The following ITIH1 variants were observed in gnomAD, a reference collection of about 807,000 sequenced individuals.
ITIH1 encodes the protein inter-alpha-trypsin inhibitor heavy chain H1.
In ITIH1, 94 loss-of-function variants were observed where a neutral mutation model predicts 104.6. That is an observed-to-expected ratio of 0.90 (90% CI 0.76 to 1.07). ITIH1 has a LOEUF of 1.07. Among genes scored for constraint, ITIH1 ranks in the 50% least tolerant of loss-of-function variants. The pLI is 0.00. For synonymous variants in ITIH1, 455 were observed against 464.4 expected, an observed-to-expected ratio of 0.98 and a Z score of 0.26; for missense variants, 1,193 against 1,181.4, an observed-to-expected ratio of 1.01 and a Z score of -0.14.
intron 18 of ITIH1, 109 bp from the exon 19 acceptor site, chr3:52,789,544 A>G: frequency 1.1e-6 from 1 of 925,426 alleles, no homozygotes. Context: ...TCTCAAAGAC[A>G]GAGTGGCACA....
At chr3:52,790,230 CTG>C in intron 19 of ITIH1, 1 of 324,726 alleles carries the variant, frequency 3.1e-6, no homozygotes, top group South Asian at 3.8e-5. Context: ...ATGTCTTAGT[CTG>C]CATTGTCTCA....
chr3:52,785,292 C>T (rs1226934628), intron 12 of ITIH1, 63 bp downstream of exon 12: 13 of 1,520,932 alleles, frequency 8.5e-6, no homozygotes, highest in Non-Finnish European at 8.1e-6. Flanking sequence ...CAAACCCACA[C>T]TGTTCCCCAT....
rs766488408 is a variant in ITIH1 at position 52,789,721 on chromosome 3, T to G, written c.2188T>G (p.Phe730Val). ...RSPGQHDGTY[F>V]GRLGIANPAT... ...CCCTGGGCAGCATGACGGCACGTAC[T>G]TCGGGCGGCTGGGAATCGCAAACCC... The change falls in exon 19 of 22, where the codon TTC becomes GTC. Residue 730 changes from phenylalanine (F) to valine (V), a missense_variant. Physicochemically the swap from Phe to Val is conservative, Grantham distance 50. Coordinates refer to ENST00000273283, the MANE Select transcript of ITIH1 (RefSeq NM_002215.4). The G allele has an allele frequency of 6.2e-6, 10 of 1,614,064 alleles. No individual in the cohort carries two copies. In the African/African-American group the frequency reaches 1.3e-4, roughly 22 times the overall value.
At position 52,783,059 on chromosome 3, in the gene ITIH1, G is replaced by C; in HGVS notation, c.1033G>C (p.Val345Leu). ...AGTACAATCGTGGAAGGGCTCGCTG[G>C]TGCAAGCATCTGAGGCCAACCTACA... is the stretch of plus-strand genomic sequence containing the variant. ...TRVQSWKGSLVQASEANLQAA... is the reference protein window; with the variant it reads ...TRVQSWKGSLLQASEANLQAA... Residue 345 changes from valine (V) to leucine (L), a missense_variant, in exon 9 of 22, where the codon GTG (valine) becomes CTG (leucine). Physicochemically the swap from Val to Leu is conservative, Grantham distance 32 (BLOSUM62 1). Coordinates refer to ENST00000273283, the MANE Select transcript of ITIH1 (RefSeq NM_002215.4). The C allele has an allele frequency of 6.2e-7, 1 of 1,614,078 alleles. No individual in the cohort carries two copies. Among genetic ancestry groups the C allele is most frequent in the Non-Finnish European group, 8.5e-7 (1 of 1,180,000 alleles).
In ITIH1 at chr3:52,779,076, T is replaced by C. The variant is rs769972778; in HGVS notation, c.410+30T>C. Reference sequence around the variant, plus strand: ...GTTCTGGGCCTGCTGGTCTCATCTCTAGGGCTGCCCTCCCCAGCCAGGACA... The same window carrying C: ...GTTCTGGGCCTGCTGGTCTCATCTCCAGGGCTGCCCTCCCCAGCCAGGACA... On this transcript the variant is annotated intron_variant, in intron 4 of 21. Coordinates refer to ENST00000273283, the MANE Select transcript of ITIH1 (RefSeq NM_002215.4). This position sits in a 1 kb window ranked among gnomAD's most constrained non-coding sequence, Gnocchi z 4.4. 1.6e-5 allele frequency: 23 copies of C among 1,471,620 alleles called. No homozygotes were observed. Among genetic ancestry groups the C allele is most frequent in the Admixed American group, 5.0e-5 (3 of 59,810 alleles). The allele number at this position is 1,471,620 out of a possible 1,614,324, so 91.2% of individuals were successfully genotyped here.
chr3:52,786,048 A>G (rs1699187470), intron 12 of ITIH1, among the ~76,000 whole-genome samples: 1 of 152,160 alleles, frequency 6.6e-6, no homozygotes, highest in African/African-American at 2.4e-5. Flanking sequence ...TCCCCTAGAG[A>G]AACTCCACAA....
In ITIH1 at chr3:52,783,355, G is replaced by A. The variant is rs1439320024; in HGVS notation, c.1225+16G>A. The A allele has an allele frequency of 6.2e-7, 1 of 1,612,528 alleles. No homozygotes were observed. Among genetic ancestry groups the A allele is most frequent in the Non-Finnish European group, 8.5e-7 (1 of 1,179,498 alleles). ...CCCACAGAGGGTAAGCACCTTGGGG[G>A]CTGCCTTGGGAGGTAGTGATCTCCT... On this transcript the variant is annotated intron_variant, in intron 10 of 21. Coordinates refer to ENST00000273283, the MANE Select transcript of ITIH1 (RefSeq NM_002215.4).
intron 8 of ITIH1, 89 bp from the exon 9 acceptor site, chr3:52,782,868 A>G: frequency 7.8e-7 from 1 of 1,287,048 alleles, no homozygotes; most frequent in East Asian, 2.3e-5. Flanking sequence ...CACCCTGTGG[A>G]TCTCTGAAAT....
chr3:52,790,359 G>A, intron 19 of ITIH1: 1 of 283,384 alleles, frequency 3.5e-6, no homozygotes, highest in African/African-American at 2.3e-5. Context: ...GGGAGAGTCT[G>A]CTGTGGAGGT....
chr3:52,785,096 A>AC lies in ITIH1; in HGVS notation c.1465dup (p.Gln489ProfsTer13), dbSNP rs1263713723. The AC allele has an allele frequency of 1.9e-6, 3 of 1,613,844 alleles. No homozygotes were observed. In the African/African-American group the frequency reaches 4.0e-5, roughly 22 times the overall value. On this transcript the variant is annotated frameshift_variant, in exon 12 of 22. Transcript: ENST00000273283. LOFTEE classifies it high-confidence loss of function. ...CTGCTGGTGGATGTGGATTTGCAGT[A>AC]CCCCCAGGATGCTGTCTTGGCCCTG...
At chr3:52,785,350 T>C in intron 12 of ITIH1, 121 bp downstream of exon 12, 2 of 908,026 alleles carry the variant, frequency 2.2e-6, no homozygotes, top group Non-Finnish European at 1.7e-6. Flanking sequence ...AGTACCCTCA[T>C]CCCCACCATG....
intron 2 of ITIH1, 56 bp from the exon 3 acceptor site, chr3:52,778,284 T>C (rs1698952674): frequency 6.4e-7 from 1 of 1,558,490 alleles, no homozygotes. Context: ...CCACAGGAAG[T>C]CCCTCGCTGA....
chr3:52,780,414 C>A (rs1699005431), intron 6 of ITIH1, 32 bp downstream of exon 6: 36 of 1,485,434 alleles, frequency 2.4e-5, no homozygotes, highest in Non-Finnish European at 3.4e-5. Context: ...TGGTGGTGGG[C>A]CCTTTGGAGA....
At chr3:52,789,981 A>T (rs1699310137) in intron 19 of ITIH1, 127 bp downstream of exon 19, 3 of 913,096 alleles carry the variant, frequency 3.3e-6, no homozygotes, top group Admixed American at 4.3e-5. Context: ...CTGTGCAGAC[A>T]TGTCAGACTC....
Position 52,781,930 on chromosome 3 carries a change from A to G in ITIH1, c.688-10A>G. The G allele has an allele frequency of 6.2e-7, 1 of 1,613,898 alleles. No homozygotes were observed. Among genetic ancestry groups the G allele is most frequent in the Non-Finnish European group, 8.5e-7 (1 of 1,179,938 alleles). ...AGACCAGTAATGGCTCACACTCTCGACGGTTCCAGGGTCATGTGCTGTTCC... is the reference window on the plus strand; with the variant it reads ...AGACCAGTAATGGCTCACACTCTCGGCGGTTCCAGGGTCATGTGCTGTTCC... On this transcript the variant is annotated splice_polypyrimidine_tract_variant and intron_variant, in intron 6 of 21. Transcript: ENST00000273283.
At chr3:52,781,801 G>A in intron 6 of ITIH1, 139 bp from the exon 7 acceptor site, 2 of 1,026,114 alleles carry the variant, frequency 1.9e-6, no homozygotes, top group East Asian at 2.5e-5. Context: ...AGCTAGGTGA[G>A]TGAGTGGCCC....
intron 12 of ITIH1, 27 bp from the exon 13 acceptor site, chr3:52,786,268 C>T (rs1699196674): frequency 6.4e-7 from 1 of 1,559,020 alleles, no homozygotes; most frequent in South Asian, 1.2e-5. Context: ...CATGGTGCAC[C>T]ACCCCTCTCT....
chr3:52,778,986 T>C lies in ITIH1; in HGVS notation c.350T>C (p.Val117Ala). 3.7e-6 allele frequency: 6 copies of C among 1,614,062 alleles called. No individual in the cohort carries two copies. Among genetic ancestry groups the C allele is most frequent in the Non-Finnish European group, 5.1e-6 (6 of 1,179,912 alleles). ...NAFIGDIKDKVTAWKQYRKAA... is the reference protein window; with the variant it reads ...NAFIGDIKDKATAWKQYRKAA... ...TTTATCGGAGACATAAAGGACAAGG[T>C]GACTGCATGGAAGCAGTACCGGAAA... Residue 117 changes from valine to alanine, a missense_variant, in exon 4 of 22, where the codon GTG (valine) becomes GCG (alanine). Coordinates refer to ENST00000273283, the MANE Select transcript of ITIH1 (RefSeq NM_002215.4).
chr3:52,787,123 A>G, intron 14 of ITIH1, 24 bp downstream of exon 14: 1 of 1,614,174 alleles, frequency 6.2e-7, no homozygotes, highest in Non-Finnish European at 8.5e-7. Context: ...GGGTCTACAG[A>G]AGGGAGAGGC....
Sources: gnomAD v4.1 joint callset for allele counts (sites outside exome capture counted in the v4.1 genomes callset) on GRCh38, gnomAD v4.1.1 for gene constraint, Gnocchi (gnomAD v3.1) non-coding constraint, MANE v1.5 for transcripts, NCBI Gene and HGNC (gene_info 2026-07-23, HGNC 2026-07-21) for gene names.